The following IRAK1BP1 variants were observed in gnomAD, a reference collection of about 807,000 sequenced individuals.
IRAK1BP1 encodes the protein interleukin 1 receptor associated kinase 1 binding protein 1, also known as interleukin-1 receptor-associated kinase 1-binding protein 1.
In IRAK1BP1, 24 loss-of-function variants were observed where a neutral mutation model predicts 28.0. The ratio of observed to expected loss-of-function variants is 0.86; its 90% confidence interval spans 0.62 to 1.20. IRAK1BP1 has a LOEUF of 1.20. IRAK1BP1 is among the 50% of genes most tolerant of loss of function. IRAK1BP1 has a pLI of 0.00. For synonymous variants in IRAK1BP1, 131 were observed against 116.3 expected (o/e 1.13, Z -0.81); for missense variants, 336 against 316.7 (o/e 1.06, Z -0.46).
chr6:78,946,721 C>T, downstream of IRAK1BP1: 1 of 1,565,916 alleles, frequency 6.4e-7, no homozygotes, highest in Non-Finnish European at 8.6e-7. Flanking sequence ...CTTGATGCAG[C>T]ACTACTGGAA....
chr6:78,901,838 A>G lies in IRAK1BP1; in HGVS notation c.*3504A>G, dbSNP rs1772113688. 1 of 152,148 alleles carries G rather than the reference A, an allele frequency of 6.6e-6. No individual in the cohort carries two copies. Among genetic ancestry groups the G allele is most frequent in the African/African-American group, 2.4e-5 (1 of 41,444 alleles). The allele number at this position is 152,148 out of a possible 1,614,324, so 9.4% of individuals were successfully genotyped here. A position where few individuals can be genotyped will look rare whatever the true frequency, so the allele number is the denominator to read the frequency against. On this transcript the variant is annotated 3_prime_UTR_variant, in exon 4 of 4. Transcript: ENST00000369940. The stretch of plus-strand genomic sequence containing the variant: ...AATAGGACTTAGAAAAATAATTTGT[A>G]ACTCAAGATGCTGTACCTCATCCTA...
At chr6:78,906,390 TAC>T (rs1011319110), downstream of IRAK1BP1, among the ~76,000 whole-genome samples, 1 of 152,202 alleles carries the variant, frequency 6.6e-6, no homozygotes, top group Non-Finnish European at 1.5e-5. Context: ...TTTCCGAAAT[TAC>T]ACGTTGTCAC....
chr6:78,941,478 C>T (rs1305659767), intron 4 of IRAK1BP1: 1 of 551,794 alleles, frequency 1.8e-6, no homozygotes, highest in Non-Finnish European at 3.1e-6. Flanking sequence ...ACCTAGAAAA[C>T]ACTAATAGTT....
chr6:78,898,314 A>C lies in IRAK1BP1; in HGVS notation c.763A>C (p.Lys255Gln). 1 of 1,562,826 alleles carries C rather than the reference A, an allele frequency of 6.4e-7. No individual in the cohort carries two copies. Among genetic ancestry groups the C allele is most frequent in the Non-Finnish European group, 8.7e-7 (1 of 1,150,294 alleles). Residue 255 changes from lysine (K) to glutamine (Q), a missense_variant, in exon 4 of 4, where the codon AAG becomes CAG. Transcript: ENST00000369940. Reference sequence around the variant, plus strand: ...AACTTTTGAGGTAAAGGGAAAAGAGAAGAGAAAAAAGCACCTTTGAAATTC... The same window carrying C: ...AACTTTTGAGGTAAAGGGAAAAGAGCAGAGAAAAAAGCACCTTTGAAATTC... ...FITFEVKGKE[K>Q]RKKHL
chr6:78,895,929 T>G (rs529450047), intron 2 of IRAK1BP1, among the ~76,000 whole-genome samples: 7 of 152,326 alleles, frequency 4.6e-5, no homozygotes, highest in Middle Eastern at 3.4e-3. Flanking sequence ...TCTTAATTCA[T>G]GGACAACATG....
rs565981835 is a variant in IRAK1BP1 at position 78,924,878 on chromosome 6, T to C, written c.*68-20530T>C. Among the ~76,000 whole-genome samples the C allele has an allele frequency of 5.9e-5, 9 of 152,330 alleles. No homozygotes were observed. In the South Asian group the frequency reaches 1.9e-3, roughly 32 times the overall value. ...AAAGAGACATGCACACATATGTTTA[T>C]TGCGGCACTATTCACAATAGCAAAG... On this transcript the variant is annotated intron_variant and NMD_transcript_variant, in intron 4 of 4. Transcript: ENST00000606868.
intron 2 of IRAK1BP1, among the ~76,000 whole-genome samples, chr6:78,886,065 AG>A (rs1203182634): frequency 6.6e-6 from 1 of 152,156 alleles, no homozygotes; most frequent in African/African-American, 2.4e-5. Context: ...GTACGTGCCT[AG>A]TACGTGCCAC....
intron 4 of IRAK1BP1, among the ~76,000 whole-genome samples, chr6:78,920,622 A>G (rs73462283): frequency 0.018 from 2,744 of 152,318 alleles, 90 homozygotes; most frequent in African/African-American, 0.061. Flanking sequence ...TTCACCATAT[A>G]CAAAAAGCAA....
At chr6:78,974,108 T>C in the IRAK1BP1 span, among the ~76,000 whole-genome samples, 8 of 151,942 alleles carry the variant, frequency 5.3e-5, no homozygotes, top group Admixed American at 2.0e-4. Context: ...TATTCCAAAA[T>C]TGACCACATA....
the IRAK1BP1 span, among the ~76,000 whole-genome samples, chr6:78,960,043 T>C: frequency 2.6e-5 from 4 of 152,154 alleles, no homozygotes; most frequent in Non-Finnish European, 5.9e-5. Flanking sequence ...TGGGAGCTAC[T>C]GGGAGCTGTA....
intron 4 of IRAK1BP1, among the ~76,000 whole-genome samples, chr6:78,925,458 G>A (rs1772862286): frequency 6.6e-6 from 1 of 152,134 alleles, no homozygotes; most frequent in Non-Finnish European, 1.5e-5. Context: ...CCAATCATTA[G>A]AGGAATGCAA....
At chr6:78,956,588 G>C in the IRAK1BP1 span, 1 of 151,988 alleles carries the variant, frequency 6.6e-6, no homozygotes, top group Non-Finnish European at 1.5e-5. Context: ...CCACGATGTG[G>C]CCCCAACTCA....
chr6:78,876,483 C>G (rs1365479731), intron 1 of IRAK1BP1, among the ~76,000 whole-genome samples: 3 of 152,172 alleles, frequency 2.0e-5, no homozygotes, highest in African/African-American at 7.2e-5. Context: ...GTAGCTTAAT[C>G]AAGAAAACTT....
the IRAK1BP1 span, among the ~76,000 whole-genome samples, chr6:78,960,975 T>C: frequency 1.2e-4 from 18 of 152,212 alleles, no homozygotes; most frequent in Admixed American, 1.0e-3. Context: ...TTACACAAAT[T>C]AAATTGTTGG....
chr6:78,925,485 A>C (rs1286334023), intron 4 of IRAK1BP1, among the ~76,000 whole-genome samples: 1 of 152,148 alleles, frequency 6.6e-6, no homozygotes, highest in East Asian at 1.9e-4. Context: ...ACCGCAATGA[A>C]ATACTATCTC....
chr6:78,884,803 A>G (rs1452705562), intron 1 of IRAK1BP1, among the ~76,000 whole-genome samples: 2 of 152,150 alleles, frequency 1.3e-5, no homozygotes, highest in African/African-American at 4.8e-5. Context: ...ACTCAACATT[A>G]AGTATACTTT....
chr6:78,968,078 T>G, the IRAK1BP1 span, among the ~76,000 whole-genome samples: 2 of 152,030 alleles, frequency 1.3e-5, no homozygotes, highest in South Asian at 4.1e-4. Context: ...GAACTTGCAG[T>G]GAGCCAAGAT....
At chr6:78,945,622 A>C in exon 5 of IRAK1BP1, 1 of 671,996 alleles carries the variant, frequency 1.5e-6, no homozygotes, top group Non-Finnish European at 2.6e-6. Context: ...AAGCTTTCTT[A>C]GGAAAGCTAC....
At chr6:78,912,386 G>C (rs1772450969) in intron 4 of IRAK1BP1, among the ~76,000 whole-genome samples, 1 of 152,114 alleles carries the variant, frequency 6.6e-6, no homozygotes, top group African/African-American at 2.4e-5. Flanking sequence ...TGTAGCAATT[G>C]CTATATAAGT....
Sources: allele counts gnomAD v4.1 joint callset (sites outside exome capture counted in the v4.1 genomes callset), GRCh38; gene constraint gnomAD v4.1.1; transcripts MANE v1.5; gene names NCBI Gene and HGNC (gene_info 2026-07-23, HGNC 2026-07-21).